Variants in DSG4 observed in about 807,000 individuals in gnomAD.
DSG4 encodes the protein desmoglein-4.
In DSG4, 87 loss-of-function variants were observed where a neutral mutation model predicts 93.1. The observed-to-expected ratio is 0.93, with a 90% CI of 0.79 to 1.12. The LOEUF is 1.12. Ranked by LOEUF, DSG4 falls within the 50% of genes most tolerant of loss-of-function variation. DSG4 has a pLI of 0.00. For missense variants in DSG4, 1,373 were observed against 1,285.7 expected, an observed-to-expected ratio of 1.07 and a Z score of -1.04; for synonymous variants, 432 against 452.9, an observed-to-expected ratio of 0.95 and a Z score of 0.59.
chr18:31,413,172 G>A lies in DSG4; in HGVS notation c.2700G>A (p.Val900=), dbSNP rs762580122. The A allele has an allele frequency of 7.4e-6, 12 of 1,613,978 alleles. No individual in the cohort carries two copies. Among genetic ancestry groups the A allele is most frequent in the Non-Finnish European group, 9.3e-6 (11 of 1,180,032 alleles). The stretch of plus-strand genomic sequence containing the variant: ...AAGAAATGGCAGCATCTGAACCCGT[G>A]GTCCATGGGGATATTATTGTGACTG... ...FQEEMAASEP[V]VHGDIIVTET... is the part of the protein sequence containing the mutation. The change falls in exon 16 of 16, where the codon GTG becomes GTA. Residue 900 remains valine, a synonymous_variant. Transcript: ENST00000308128.
intron 12 of DSG4, 97 bp downstream of exon 12, chr18:31,406,470 T>G: frequency 2.7e-6 from 4 of 1,482,666 alleles, no homozygotes; most frequent in Non-Finnish European, 3.7e-6. Context: ...CCATTTCTTT[T>G]TGGTATCTCT....
intron 3 of DSG4, among the ~76,000 whole-genome samples, chr18:31,387,355 A>G (rs928020138): frequency 2.0e-5 from 3 of 152,086 alleles, no homozygotes; most frequent in African/African-American, 7.2e-5. Flanking sequence ...AGCTTCATTC[A>G]CTCTTTCTGG....
intron 5 of DSG4, 57 bp from the exon 6 acceptor site, chr18:31,390,599 T>G: frequency 2.5e-6 from 4 of 1,603,956 alleles, no homozygotes; most frequent in South Asian, 2.2e-5. Context: ...TGCCTAATGA[T>G]TTGCTGAATT....
intron 3 of DSG4, among the ~76,000 whole-genome samples, chr18:31,387,601 C>T (rs746074166): frequency 4.5e-4 from 68 of 151,966 alleles, no homozygotes; most frequent in Non-Finnish European, 2.1e-4. Flanking sequence ...TTCTTTTTCT[C>T]TGCATTTTGG....
rs570438938 is a variant in DSG4 at position 31,404,965 on chromosome 18, T to C, written c.1637-1112T>C. 1.4e-4 allele frequency among the ~76,000 whole-genome samples: 21 copies of C among 152,332 alleles called. No individual in the cohort carries two copies. The East Asian group carries it at 3.9e-3, about 28-fold the overall frequency. On this transcript the variant is annotated intron_variant, in intron 11 of 15. Coordinates refer to ENST00000308128, the MANE Select transcript of DSG4 (RefSeq NM_177986.5). ...AAATATAACCACACTGGAGATGATATTCCTAGAGACCTGTTTCAATGCTTG... is the reference window on the plus strand; with the variant it reads ...AAATATAACCACACTGGAGATGATACTCCTAGAGACCTGTTTCAATGCTTG...
chr18:31,388,382 G>T lies in DSG4; in HGVS notation c.232G>T (p.Glu78Ter), dbSNP rs769990795. 1 of 1,613,018 alleles carries T rather than the reference G, an allele frequency of 6.2e-7. No individual in the cohort carries two copies. The highest frequency in any genetic ancestry group is 1.3e-5 in the African/African-American group (1 of 74,856). Reference sequence around the variant, plus strand: ...TTTCTTATAGATTCGATCAGACTGCGAATCGAACCAGAAGATAACATACCG... The same window carrying T: ...TTTCTTATAGATTCGATCAGACTGCTAATCGAACCAGAAGATAACATACCG... Reference protein sequence around the residue: ...NPIAKIRSDCESNQKITYRIS... With the variant: ...NPIAKIRSDC Residue 78 changes from glutamate to a stop codon, truncating the protein, a stop_gained, in exon 4 of 16, where the codon GAA becomes TAA. Coordinates refer to ENST00000308128, the MANE Select transcript of DSG4 (RefSeq NM_177986.5). LOFTEE classifies it high-confidence loss of function.
In DSG4 at chr18:31,388,884, G is replaced by A. The variant is rs557173600; in HGVS notation, c.383G>A (p.Arg128Gln). The A allele has an allele frequency of 1.9e-4, 299 of 1,613,434 alleles. 3 individuals are homozygous for A. The South Asian group carries it at 2.7e-3, about 15-fold the overall frequency. ...EITPLFLIYCRALNSRGEDLE... is the reference protein window; with the variant it reads ...EITPLFLIYCQALNSRGEDLE... ...TCCAATTTTCCACAGATCTATTGCC[G>A]GGCTCTGAATTCACGGGGTGAAGAT... The change falls in exon 5 of 16, where the codon CGG becomes CAG. Residue 128 changes from arginine (R) to glutamine (Q), a missense_variant. Transcript: ENST00000308128.
intron 1 of DSG4, among the ~76,000 whole-genome samples, chr18:31,377,359 T>C (rs1282187318): frequency 6.6e-6 from 1 of 152,218 alleles, no homozygotes; most frequent in African/African-American, 2.4e-5. Flanking sequence ...TTCTTTTCAA[T>C]AGTTATTTCC....
At chr18:31,403,351 G>T (rs1218078617) in intron 10 of DSG4, 65 bp from the exon 11 acceptor site, 3 of 1,302,572 alleles carry the variant, frequency 2.3e-6, no homozygotes, top group Non-Finnish European at 3.3e-6. Flanking sequence ...ATCATCAGGG[G>T]ATATGAGAAA....
At position 31,376,866 on chromosome 18, in the gene DSG4, T is replaced by C; in HGVS notation, c.-46T>C. ...AATTCGGAACTGAGAAGACGAGGGC[T>C]CAAATTGAATCTCACAGGATTTGCG... On this transcript the variant is annotated 5_prime_UTR_variant, in exon 1 of 16. Coordinates refer to ENST00000308128, the MANE Select transcript of DSG4 (RefSeq NM_177986.5). The C allele has an allele frequency of 6.2e-7, 1 of 1,610,716 alleles. No individual in the cohort carries two copies. Among genetic ancestry groups the C allele is most frequent in the Non-Finnish European group, 8.5e-7 (1 of 1,177,204 alleles).
At chr18:31,405,152 GATCA>G (rs1178898975) in intron 11 of DSG4, among the ~76,000 whole-genome samples, 1 of 152,118 alleles carries the variant, frequency 6.6e-6, no homozygotes, top group African/African-American at 2.4e-5. Context: ...GTGTGCTATG[GATCA>G]ATCAGTTACT....
intron 8 of DSG4, among the ~76,000 whole-genome samples, chr18:31,393,869 A>G (rs112171028): frequency 3.3e-5 from 5 of 152,346 alleles, no homozygotes; most frequent in African/African-American, 1.2e-4. Flanking sequence ...CATATGGTAT[A>G]TTAACTTAAG....
Position 31,403,539 on chromosome 18 carries a change from C to T in DSG4, c.1541C>T (p.Ser514Phe). ...ATTGACTCTCCATCAGTCCTTATCTCTGTTAATGAACATTCTTATGGGTCT... is the reference window on the plus strand; with the variant it reads ...ATTGACTCTCCATCAGTCCTTATCTTTGTTAATGAACATTCTTATGGGTCT... ...ICIDSPSVLI[S>F]VNEHSYGSPF... Residue 514 changes from serine (S) to phenylalanine (F), a missense_variant, in exon 11 of 16, where the codon TCT (serine) becomes TTT (phenylalanine). Coordinates refer to ENST00000308128, the MANE Select transcript of DSG4 (RefSeq NM_177986.5). 6.2e-7 allele frequency: 1 copy of T among 1,614,094 alleles called. No individual in the cohort carries two copies. Among genetic ancestry groups the T allele is most frequent in the Non-Finnish European group, 8.5e-7 (1 of 1,179,972 alleles).
chr18:31,399,147 TCAAAA>T, intron 8 of DSG4, 120 bp from the exon 9 acceptor site: 1 of 1,311,442 alleles, frequency 7.6e-7, no homozygotes, highest in Admixed American at 2.2e-5. Context: ...TTTTTTCAAT[TCAAAA>T]TCTAAACAGC....
At position 31,411,283 on chromosome 18, in the gene DSG4, G is replaced by C. The variant is rs143025218; in HGVS notation, c.2190G>C (p.Ser730=). ...GGGGCACGGTGGAAGGAGGTGTATC[G>C]GGAGTGGAGCTCAACACAGGTATGG... ...AAGGTVEGGV[S]GVELNTGMGT... Residue 730 remains serine (S), a synonymous_variant, in exon 15 of 16, where the codon TCG becomes TCC. Coordinates refer to ENST00000308128, the MANE Select transcript of DSG4 (RefSeq NM_177986.5). 6.1e-5 allele frequency: 99 copies of C among 1,613,274 alleles called. No homozygotes were observed. Among genetic ancestry groups the C allele is most frequent in the Non-Finnish European group, 7.6e-5 (90 of 1,180,026 alleles).
chr18:31,385,924 G>A (rs974532037), intron 2 of DSG4, among the ~76,000 whole-genome samples: 2 of 151,942 alleles, frequency 1.3e-5, no homozygotes, highest in Non-Finnish European at 2.9e-5. Context: ...AAATAAATAC[G>A]TGCATATATA....
intron 8 of DSG4, among the ~76,000 whole-genome samples, chr18:31,393,934 A>G (rs568649447): frequency 6.6e-6 from 1 of 152,332 alleles, no homozygotes; most frequent in South Asian, 2.1e-4. Flanking sequence ...CATCCAAATG[A>G]ATACACACAA....
At position 31,386,697 on chromosome 18, in the gene DSG4, T is replaced by A; in HGVS notation, c.94T>A (p.Phe32Ile). ...ACCATTTTTGCTTAAGGTGAAGGAA[T>A]TTGACATTGAAAATGGCACTACAAA... ...NSEFIVEVKE[F>I]DIENGTTKWQ... The change falls in exon 3 of 16, where the codon TTT (phenylalanine) becomes ATT (isoleucine). Residue 32 changes from phenylalanine to isoleucine, a missense_variant. Transcript: ENST00000308128. The A allele has an allele frequency of 6.2e-7, 1 of 1,613,180 alleles. No individual in the cohort carries two copies. Among genetic ancestry groups the A allele is most frequent in the East Asian group, 2.2e-5 (1 of 44,862 alleles).
Position 31,413,387 on chromosome 18 carries a change from C to T in DSG4, c.2915C>T (p.Pro972Leu). 6.2e-7 allele frequency: 1 copy of T among 1,614,064 alleles called. No homozygotes were observed. The highest frequency in any genetic ancestry group is 8.5e-7 in the Non-Finnish European group (1 of 1,180,040). ...VIYAERVLAS[P>L]GVPDMSNSST... ...TATGCTGAGAGAGTACTGGCTAGTC[C>T]TGGTGTGCCTGACATGAGCAATAGT... Residue 972 changes from proline (P) to leucine (L), a missense_variant, in exon 16 of 16, where the codon CCT becomes CTT. By Grantham distance (98) the Pro-to-Leu change is moderately conservative. Transcript: ENST00000308128.
Sources: allele counts gnomAD v4.1 joint callset (sites outside exome capture counted in the v4.1 genomes callset), GRCh38; gene constraint gnomAD v4.1.1; transcripts MANE v1.5; gene names NCBI Gene and HGNC (gene_info 2026-07-23, HGNC 2026-07-21).